Variants in EPM2A observed in about 807,000 individuals in gnomAD.
EPM2A encodes EPM2A glucan phosphatase, laforin.
EPM2A carries 21 observed loss-of-function variants against 26.5 expected under a neutral mutation model. The observed-to-expected ratio is 0.79, with a 90% CI of 0.56 to 1.14. The LOEUF (loss-of-function observed/expected upper bound fraction) is 1.14, where lower values mean the gene tolerates loss of function less well. Among genes scored for constraint, EPM2A ranks in the 50% most tolerant of loss-of-function variants. The probability of loss-of-function intolerance (pLI) is 0.00; values close to 1 mark genes in which losing one functional copy is unlikely to be tolerated. For missense variants in EPM2A, 458 were observed against 440.8 expected (o/e 1.04, Z -0.35); for synonymous variants, 217 against 177.6 (o/e 1.22, Z -1.76).
intron 4 of EPM2A, among the ~76,000 whole-genome samples, chr6:145,458,293 T>G (rs1401726349): frequency 6.6e-6 from 1 of 152,178 alleles, no homozygotes; most frequent in Non-Finnish European, 1.5e-5. Flanking sequence ...ATTCCCTCTG[T>G]GTTGAGCTCG....
intron 1 of EPM2A, among the ~76,000 whole-genome samples, chr6:145,709,774 A>G (rs187410605): frequency 6.6e-6 from 1 of 152,232 alleles, no homozygotes; most frequent in Non-Finnish European, 1.5e-5. Context: ...AGTTCTTTAG[A>G]TCATGTAGAA....
At chr6:145,577,090 C>T (rs746521209) in intron 2 of EPM2A, among the ~76,000 whole-genome samples, 11 of 151,192 alleles carry the variant, frequency 7.3e-5, no homozygotes, top group East Asian at 1.9e-4. Flanking sequence ...AAATCACTTA[C>T]GCACAAATAA....
chr6:145,693,286 T>A (rs1194489402), intron 1 of EPM2A, among the ~76,000 whole-genome samples: 1 of 152,040 alleles, frequency 6.6e-6, no homozygotes, highest in Non-Finnish European at 1.5e-5. Flanking sequence ...TTGCTCAAGT[T>A]GTTTATCAGA....
intron 4 of EPM2A, among the ~76,000 whole-genome samples, chr6:145,437,314 C>A (rs1465914748): frequency 1.3e-5 from 2 of 152,054 alleles, no homozygotes; most frequent in African/African-American, 4.8e-5. Flanking sequence ...ATTCATGCTA[C>A]CTGTTAAGCC....
chr6:145,549,179 T>C (rs1193743262), intron 2 of EPM2A, among the ~76,000 whole-genome samples: 1 of 152,110 alleles, frequency 6.6e-6, no homozygotes, highest in Admixed American at 6.6e-5. Flanking sequence ...TGATAAAATA[T>C]ATGTGTTGTG....
chr6:145,619,590 C>T (rs1399583774), intron 2 of EPM2A, among the ~76,000 whole-genome samples: 1 of 152,040 alleles, frequency 6.6e-6, no homozygotes, highest in African/African-American at 2.4e-5. Context: ...CTTAAATTCT[C>T]AGTAGTAATG....
chr6:145,419,189 C>CG (rs1554235093), intron 4 of EPM2A, among the ~76,000 whole-genome samples: 10 of 150,276 alleles, frequency 6.7e-5, no homozygotes, highest in East Asian at 4.0e-4. Flanking sequence ...GTCCCCCCCC[C>CG]CCGCTCCTTT....
chr6:145,411,319 T>C (rs1053713847), intron 4 of EPM2A, among the ~76,000 whole-genome samples: 5 of 152,162 alleles, frequency 3.3e-5, no homozygotes, highest in African/African-American at 1.2e-4. Context: ...AAGGTGCAAA[T>C]ATGACATTTT....
chr6:145,646,543 A>C (rs971940858), intron 2 of EPM2A, among the ~76,000 whole-genome samples: 1 of 151,636 alleles, frequency 6.6e-6, no homozygotes, highest in African/African-American at 2.4e-5. Context: ...CCTACTGATC[A>C]CCCTATTACC....
At chr6:145,686,936 T>A (rs887869004) in intron 1 of EPM2A, 1 of 154,292 alleles carries the variant, frequency 6.5e-6, no homozygotes, top group African/African-American at 2.4e-5. Context: ...TGGCGTCTGA[T>A]GCCTTTGTGA....
intron 2 of EPM2A, among the ~76,000 whole-genome samples, chr6:145,582,160 A>C (rs1028553916): frequency 4.0e-5 from 6 of 151,432 alleles, no homozygotes; most frequent in African/African-American, 1.2e-4. Flanking sequence ...ATTAGATTCA[A>C]ATTTTTTTTT....
At chr6:145,467,948 A>T (rs930504309) in intron 4 of EPM2A, among the ~76,000 whole-genome samples, 3 of 152,006 alleles carry the variant, frequency 2.0e-5, no homozygotes, top group Admixed American at 1.3e-4. Context: ...TAGTTTTAAT[A>T]GTTTTTTTCA....
At chr6:145,413,763 TG>T in intron 4 of EPM2A, among the ~76,000 whole-genome samples, 1 of 152,336 alleles carries the variant, frequency 6.6e-6, no homozygotes, top group East Asian at 1.9e-4. Flanking sequence ...TACAAGGCTT[TG>T]GGGTCCTGAC....
chr6:145,406,641 G>A (rs1778573280), intron 4 of EPM2A, among the ~76,000 whole-genome samples: 1 of 152,144 alleles, frequency 6.6e-6, no homozygotes, highest in South Asian at 2.1e-4. Context: ...TGTAAACAAA[G>A]ACACTTGGTC....
chr6:145,391,236 G>T (rs1330008371), intron 4 of EPM2A, among the ~76,000 whole-genome samples: 1 of 151,888 alleles, frequency 6.6e-6, no homozygotes, highest in Non-Finnish European at 1.5e-5. Flanking sequence ...AGCTTTTTTT[G>T]AAAGACATGT....
chr6:145,731,771 C>CAA (rs200177540), intron 1 of EPM2A, among the ~76,000 whole-genome samples: 1 of 150,476 alleles, frequency 6.6e-6, no homozygotes, highest in East Asian at 1.9e-4. Context: ...TAATGAACAA[C>CAA]AAAAAAAAGA....
At chr6:145,735,171 CCG>C (rs1010341095) in intron 1 of EPM2A, 25 bp downstream of exon 1, 3 of 1,465,756 alleles carry the variant, frequency 2.0e-6, no homozygotes, top group Non-Finnish European at 2.7e-6. Flanking sequence ...CCGCTCTGCG[CCG>C]GGGGCAGGCG....
chr6:145,627,809 C>G (rs113987171), intron 3 of EPM2A, 116 bp from the exon 4 acceptor site: 9 of 1,425,504 alleles, frequency 6.3e-6, no homozygotes, highest in Middle Eastern at 4.9e-4. Context: ...GGCAGGGATA[C>G]GAGAGTTTGC....
At chr6:145,419,713 C>T (rs1778757555) in intron 4 of EPM2A, among the ~76,000 whole-genome samples, 1 of 151,904 alleles carries the variant, frequency 6.6e-6, no homozygotes, top group African/African-American at 2.4e-5. Flanking sequence ...CATGTAATAA[C>T]TAACATTCAG....
Sources: gnomAD v4.1 joint callset for allele counts (sites outside exome capture counted in the v4.1 genomes callset) on GRCh38, gnomAD v4.1.1 for gene constraint, MANE v1.5 for transcripts, NCBI Gene and HGNC (gene_info 2026-07-23, HGNC 2026-07-21) for gene names.